The following TMEM25 variants were observed in gnomAD, a reference collection of about 807,000 sequenced individuals.
The protein encoded by TMEM25 is 0610039J01Rik.
In TMEM25, 36 loss-of-function variants were observed where a neutral mutation model predicts 37.0. That is an observed-to-expected ratio of 0.97 (90% CI 0.75 to 1.28). TMEM25 has a LOEUF of 1.28. Ranked by LOEUF, TMEM25 falls within the 50% of genes most tolerant of loss-of-function variation. TMEM25 has a pLI of 0.00. For synonymous variants in TMEM25, 197 were observed against 203.7 expected, an observed-to-expected ratio of 0.97 and a Z score of 0.28; for missense variants, 444 against 477.9, an observed-to-expected ratio of 0.93 and a Z score of 0.66.
At chr11:118,532,556 C>T (rs1951338150) in intron 3 of TMEM25, 95 bp downstream of exon 3, 5 of 1,384,634 alleles carry the variant, frequency 3.6e-6, no homozygotes, top group South Asian at 2.8e-5. Context: ...TTAGCAGACA[C>T]TTAAGCACTT....
At position 118,535,524 on chromosome 11, in the gene TMEM25, C is replaced by T. The variant is rs572964712; in HGVS notation, c.*944C>T. On this transcript the variant is annotated 3_prime_UTR_variant, in exon 9 of 9. Transcript: ENST00000313236. ...TTCTCTCAGCATGTCTCCTCCACCA[C>T]GGGACCCCAGCCCTGACCAACCCAT... 60 of 1,534,252 alleles carry T rather than the reference C, an allele frequency of 3.9e-5. 2 individuals carry two copies. In the Admixed American group the frequency reaches 3.9e-4, roughly 10 times the overall value.
downstream of TMEM25, among the ~76,000 whole-genome samples, chr11:118,537,165 A>C (rs950191972): frequency 6.6e-6 from 1 of 151,968 alleles, no homozygotes; most frequent in African/African-American, 2.4e-5. Context: ...ACATGGTGAA[A>C]CCCCATCTCT....
Position 118,534,873 on chromosome 11 carries a change from C to T in TMEM25, c.*293C>T. On this transcript the variant is annotated 3_prime_UTR_variant, in exon 9 of 9. Coordinates refer to ENST00000313236, the MANE Select transcript of TMEM25 (RefSeq NM_032780.4). The surrounding 1 kb of genome is among the most constrained non-coding windows in gnomAD (Gnocchi z 4.6). ...GGCCCTTCCAGAGGGAGCTCTTTGG[C>T]CAGGGGTGTTCAGATGTCATCCAGC... 2 of 1,284,942 alleles carry T rather than the reference C, an allele frequency of 1.6e-6. No individual in the cohort carries two copies. Among genetic ancestry groups the T allele is most frequent in the Non-Finnish European group, 2.0e-6 (2 of 1,008,490 alleles). 79.6% of individuals were successfully genotyped at this position (1,284,942 alleles called of 1,614,324 possible). A position where few individuals can be genotyped will look rare whatever the true frequency, so the allele number is the denominator to read the frequency against.
At chr11:118,546,172 C>G in exon 9 of TMEM25, 1 of 718,366 alleles carries the variant, frequency 1.4e-6, no homozygotes, top group Non-Finnish European at 2.6e-6. Context: ...TGGGAAGACA[C>G]AGAAGATGGC....
chr11:118,536,614 TC>T (rs1421111562), downstream of TMEM25, among the ~76,000 whole-genome samples: 1 of 152,212 alleles, frequency 6.6e-6, no homozygotes, highest in Non-Finnish European at 1.5e-5. Context: ...AAATAATATT[TC>T]TTTAATTATA....
downstream of TMEM25, among the ~76,000 whole-genome samples, chr11:118,538,513 C>T (rs2135428890): frequency 6.6e-6 from 1 of 152,120 alleles, no homozygotes; most frequent in East Asian, 1.9e-4. Context: ...GCTTGTATCT[C>T]ATTGTGGTTT....
At chr11:118,531,326 AC>A in intron 1 of TMEM25, 92 bp downstream of exon 1, 1 of 333,234 alleles carries the variant, frequency 3.0e-6, no homozygotes, top group South Asian at 2.9e-5. Context: ...CACCGGAGCC[AC>A]CAACATCAGG....
chr11:118,540,296 C>T (rs532673155), downstream of TMEM25, among the ~76,000 whole-genome samples: 2 of 152,108 alleles, frequency 1.3e-5, no homozygotes, highest in Admixed American at 1.3e-4. Context: ...GGTTCATGCC[C>T]TTTCCTCCTT....
downstream of TMEM25, among the ~76,000 whole-genome samples, chr11:118,538,474 T>C (rs1951538677): frequency 6.6e-6 from 1 of 152,130 alleles, no homozygotes; most frequent in African/African-American, 2.4e-5. Context: ...GCTTTGTCTT[T>C]TTAATAATAG....
intron 8 of TMEM25, among the ~76,000 whole-genome samples, chr11:118,542,276 A>G (rs1480809606): frequency 6.6e-6 from 1 of 152,126 alleles, no homozygotes; most frequent in Admixed American, 6.6e-5. Context: ...TTATAAAGCC[A>G]CCAGTCCCAC....
At position 118,535,593 on chromosome 11, in the gene TMEM25, G is replaced by A. The variant is rs1358708139; in HGVS notation, c.*1013G>A. On this transcript the variant is annotated 3_prime_UTR_variant, in exon 9 of 9. Coordinates refer to ENST00000313236, the MANE Select transcript of TMEM25 (RefSeq NM_032780.4). Reference sequence around the variant, plus strand: ...AAGGTGCCCTTCCTGGAGGATGGTCGCCACAGGCACATAATTCAACAGTGT... The same window carrying A: ...AAGGTGCCCTTCCTGGAGGATGGTCACCACAGGCACATAATTCAACAGTGT... 1.4e-5 allele frequency: 22 copies of A among 1,533,838 alleles called. No homozygotes were observed. The highest frequency in any genetic ancestry group is 4.9e-5 in the East Asian group (2 of 40,428).
chr11:118,535,876 T>C (rs1951500763), downstream of TMEM25: 2 of 1,074,036 alleles, frequency 1.9e-6, no homozygotes, highest in Non-Finnish European at 2.3e-6. Context: ...TTTTTGTTTT[T>C]GTTTTATTTT....
intron 8 of TMEM25, chr11:118,545,342 G>C: frequency 8.5e-7 from 1 of 1,175,818 alleles, no homozygotes; most frequent in Non-Finnish European, 1.3e-6. Flanking sequence ...ATCACAGCAG[G>C]CTCAGAACAG....
At chr11:118,544,867 TG>T (rs1951636801) in intron 8 of TMEM25, 2 of 1,334,926 alleles carry the variant, frequency 1.5e-6, no homozygotes, top group Middle Eastern at 2.0e-4. Flanking sequence ...CCATCTCAGC[TG>T]GGGCAGAGGG....
At chr11:118,544,339 T>G (rs1476239832) in intron 8 of TMEM25, among the ~76,000 whole-genome samples, 2 of 152,184 alleles carry the variant, frequency 1.3e-5, no homozygotes, top group Non-Finnish European at 2.9e-5. Context: ...TTAGAAAAAT[T>G]AAATTCCAGA....
In TMEM25 at chr11:118,534,458, C is replaced by T. The variant is rs781869257; in HGVS notation, c.1028-49C>T. The T allele has an allele frequency of 6.2e-7, 1 of 1,612,308 alleles. No individual in the cohort carries two copies. Reference sequence around the variant, plus strand: ...GGAGGCAGAGAGAGCTCTCCAAATTCCAAGGAACAAGCGTTACTGAGTCCC... The same window carrying T: ...GGAGGCAGAGAGAGCTCTCCAAATTTCAAGGAACAAGCGTTACTGAGTCCC... On this transcript the variant is annotated intron_variant, in intron 8 of 8. Coordinates refer to ENST00000313236, the MANE Select transcript of TMEM25 (RefSeq NM_032780.4). The surrounding 1 kb of genome is among the most constrained non-coding windows in gnomAD (Gnocchi z 4.6).
At chr11:118,546,487 A>T (rs181250505), downstream of TMEM25, 1 of 200,966 alleles carries the variant, frequency 5.0e-6, no homozygotes, top group African/African-American at 2.9e-5. Context: ...AATACCCTGT[A>T]AAAAAAAAGG....
At chr11:118,545,480 G>A (rs782082780) in intron 8 of TMEM25, 2 of 1,612,452 alleles carry the variant, frequency 1.2e-6, no homozygotes, top group Non-Finnish European at 1.7e-6. Context: ...TTGTAGACAG[G>A]GATGTCTAGA....
chr11:118,539,819 G>A (rs1555064833), downstream of TMEM25, among the ~76,000 whole-genome samples: 2 of 151,738 alleles, frequency 1.3e-5, no homozygotes, highest in African/African-American at 4.8e-5. Flanking sequence ...CCAGGAGTTC[G>A]AGACCAGCCT....
Sources: allele counts gnomAD v4.1 joint callset (sites outside exome capture counted in the v4.1 genomes callset), GRCh38; gene constraint gnomAD v4.1.1; non-coding constraint Gnocchi (gnomAD v3.1); transcripts MANE v1.5; gene names NCBI Gene and HGNC (gene_info 2026-07-23, HGNC 2026-07-21).